Variants in SNAP91 observed in about 807,000 individuals in gnomAD.
SNAP91 encodes the protein clathrin coat assembly protein AP180.
In SNAP91, 27 loss-of-function variants were observed where a neutral mutation model predicts 100.3. That is an observed-to-expected ratio of 0.27 (90% CI 0.20 to 0.37). The LOEUF is 0.37. Ranked by LOEUF, SNAP91 falls within the 10% of genes least tolerant of loss-of-function variation. The pLI is 1.00. For missense variants in SNAP91, 986 were observed against 1,123.7 expected, an observed-to-expected ratio of 0.88 and a Z score of 1.75; for synonymous variants, 404 against 398.6, an observed-to-expected ratio of 1.01 and a Z score of -0.16.
intron 8 of SNAP91, among the ~76,000 whole-genome samples, chr6:83,640,747 C>T (rs186415361): frequency 6.6e-6 from 1 of 152,160 alleles, no homozygotes; most frequent in African/African-American, 2.4e-5. Flanking sequence ...AAAGGCAAAC[C>T]TAAGGTTCAA....
intron 9 of SNAP91, 63 bp from the exon 10 acceptor site, chr6:83,617,102 T>A (rs1389031058): frequency 5.4e-6 from 6 of 1,108,046 alleles, no homozygotes; most frequent in Non-Finnish European, 7.8e-6. Context: ...CACACTGTAA[T>A]GTCACTGTAA....
intron 26 of SNAP91, among the ~76,000 whole-genome samples, chr6:83,565,909 A>T (rs1795909856): frequency 6.6e-6 from 1 of 152,164 alleles, no homozygotes; most frequent in African/African-American, 2.4e-5. Flanking sequence ...GCAGTTCCTC[A>T]AAAGTTAAAC....
intron 7 of SNAP91, among the ~76,000 whole-genome samples, chr6:83,650,082 A>C (rs2098132686): frequency 6.6e-6 from 1 of 151,934 alleles, no homozygotes; most frequent in Non-Finnish European, 1.5e-5. Flanking sequence ...GATGAATATT[A>C]TTCATGGTTA....
chr6:83,601,453 A>G lies in SNAP91; in HGVS notation c.1157-15T>C, dbSNP rs762077167. ...AGCCAAAGAATCTATATTTCACCAG[A>G]GACAGAGAGCAAACGGAGAGAAGAA... On this transcript the variant is annotated splice_polypyrimidine_tract_variant and intron_variant, in intron 15 of 29. Transcript: ENST00000369694. 1.2e-6 allele frequency: 2 copies of G among 1,613,566 alleles called. No homozygotes were observed. The highest frequency in any genetic ancestry group is 4.5e-5 in the East Asian group (2 of 44,868).
At chr6:83,688,071 T>C (rs993759733) in intron 2 of SNAP91, among the ~76,000 whole-genome samples, 1 of 152,164 alleles carries the variant, frequency 6.6e-6, no homozygotes, top group African/African-American at 2.4e-5. Context: ...AAGATTAAAA[T>C]ATAGGTTTCT....
At position 83,567,257 on chromosome 6, in the gene SNAP91, GCTTTT is replaced by G. The variant is rs1210918082; in HGVS notation, c.2443-6315_2443-6311del. Among the ~76,000 whole-genome samples the G allele has an allele frequency of 4.6e-5, 7 of 152,238 alleles. No homozygotes were observed. In the South Asian group the frequency reaches 1.0e-3, roughly 23 times the overall value. ...CTTTGTTAAATTTATTTTGTCTAAA[GCTTTT>G]CTTTTAACAGTGATCTTCCTGCAAA... is the stretch of plus-strand genomic sequence containing the variant. On this transcript the variant is annotated intron_variant, in intron 26 of 29. Transcript: ENST00000369694.
intron 2 of SNAP91, among the ~76,000 whole-genome samples, chr6:83,689,223 G>T (rs1420682827): frequency 6.6e-6 from 1 of 152,102 alleles, no homozygotes; most frequent in South Asian, 2.1e-4. Flanking sequence ...TGATAACAGA[G>T]CAGCCATTAT....
intron 2 of SNAP91, among the ~76,000 whole-genome samples, chr6:83,694,766 G>A (rs1407299732): frequency 3.3e-5 from 5 of 152,150 alleles, no homozygotes; most frequent in South Asian, 2.1e-4. Context: ...GAGAGGTCAA[G>A]CTTCACCCCT....
At chr6:83,687,511 T>C (rs2099075791) in intron 2 of SNAP91, among the ~76,000 whole-genome samples, 1 of 152,206 alleles carries the variant, frequency 6.6e-6, no homozygotes, top group Non-Finnish European at 1.5e-5. Flanking sequence ...CCCTCTCCAG[T>C]GTAAGCTCAT....
intron 28 of SNAP91, among the ~76,000 whole-genome samples, chr6:83,558,315 A>T (rs1781830968): frequency 6.6e-6 from 1 of 152,188 alleles, no homozygotes; most frequent in East Asian, 1.9e-4. Flanking sequence ...GATAAATGAG[A>T]TCCCTTAGAA....
chr6:83,605,478 G>C (rs2095551947), intron 14 of SNAP91, among the ~76,000 whole-genome samples: 2 of 152,090 alleles, frequency 1.3e-5, no homozygotes, highest in African/African-American at 4.8e-5. Flanking sequence ...ATGACTATTT[G>C]AACATTCTCA....
At chr6:83,580,368 T>G in intron 24 of SNAP91, 82 bp downstream of exon 24, 3 of 1,252,640 alleles carry the variant, frequency 2.4e-6, no homozygotes, top group Non-Finnish European at 3.3e-6. Flanking sequence ...ACATATGAGA[T>G]GAGAGAGAGA....
chr6:83,699,060 A>G (rs1019873191), intron 2 of SNAP91, among the ~76,000 whole-genome samples: 10 of 152,308 alleles, frequency 6.6e-5, no homozygotes, highest in Admixed American at 3.3e-4. Context: ...ATTCAACTTC[A>G]GGTGCTCTCA....
At chr6:83,613,813 A>G (rs1194487040) in intron 11 of SNAP91, among the ~76,000 whole-genome samples, 1 of 152,228 alleles carries the variant, frequency 6.6e-6, no homozygotes, top group Admixed American at 6.5e-5. Context: ...GAAAGAAGAT[A>G]CTACATCATT....
At chr6:83,665,190 G>A (rs2098655855) in intron 3 of SNAP91, among the ~76,000 whole-genome samples, 1 of 151,904 alleles carries the variant, frequency 6.6e-6, no homozygotes, top group African/African-American at 2.4e-5. Context: ...CAGTGGTCTG[G>A]AATCAAACCT....
intron 11 of SNAP91, among the ~76,000 whole-genome samples, chr6:83,611,008 T>C (rs1329908457): frequency 6.6e-6 from 1 of 151,880 alleles, no homozygotes; most frequent in African/African-American, 2.4e-5. Context: ...CCTATGTCCA[T>C]AAAAAACAAA....
intron 22 of SNAP91, among the ~76,000 whole-genome samples, chr6:83,586,544 T>A (rs537295737): frequency 1.3e-5 from 2 of 152,348 alleles, no homozygotes; most frequent in East Asian, 3.9e-4. Flanking sequence ...CTAACTTCCT[T>A]AACAGTCCAT....
intron 5 of SNAP91, 135 bp from the exon 6 acceptor site, chr6:83,659,227 A>G: frequency 1.5e-6 from 1 of 662,272 alleles, no homozygotes; most frequent in Non-Finnish European, 2.5e-6. Context: ...GAGGTATTAC[A>G]AGGTTGTAGT....
intron 8 of SNAP91, among the ~76,000 whole-genome samples, chr6:83,624,982 G>A (rs1212295213): frequency 6.6e-6 from 1 of 151,980 alleles, no homozygotes; most frequent in Admixed American, 6.6e-5. Context: ...TTCTACTAAT[G>A]CTGTTACCCA....
Sources: allele counts gnomAD v4.1 joint callset (sites outside exome capture counted in the v4.1 genomes callset), GRCh38; gene constraint gnomAD v4.1.1; transcripts MANE v1.5; gene names NCBI Gene and HGNC (gene_info 2026-07-23, HGNC 2026-07-21).